The following CCDC33 variants were observed in gnomAD, a reference collection of about 807,000 sequenced individuals.
CCDC33 encodes coiled-coil domain-containing protein 33.
A neutral mutation model predicts 91.9 loss-of-function variants in CCDC33; 94 were observed. The ratio of observed to expected loss-of-function variants is 1.02; its 90% CI spans 0.87 to 1.21. The LOEUF (loss-of-function observed/expected upper bound fraction) is 1.21. Ranked by LOEUF, CCDC33 falls within the 50% of genes most tolerant of loss-of-function variation. CCDC33 has a pLI of 0.00. For missense variants in CCDC33, 940 were observed against 935.5 expected (o/e 1.00, Z -0.06); for synonymous variants, 396 against 374.5 (o/e 1.06, Z -0.66).
Position 74,207,736 on chromosome 15 carries a change from G to A in CCDC33, n.90-1652G>A, listed in dbSNP as rs1342908946. The A allele has an allele frequency of 3.3e-6, 5 of 1,535,636 alleles. No homozygotes were observed. Among genetic ancestry groups the A allele is most frequent in the Non-Finnish European group, 3.5e-6 (4 of 1,146,922 alleles). ...CCCCTTGAGAGTCCATGAATAAGCAGCCGAGAGAGTCAACCTCATGCGGGC... is the reference window on the plus strand; with the variant it reads ...CCCCTTGAGAGTCCATGAATAAGCAACCGAGAGAGTCAACCTCATGCGGGC... On this transcript the variant is annotated intron_variant and non_coding_transcript_variant, in intron 1 of 3. Transcript: ENST00000558645.
Position 74,272,765 on chromosome 15 carries a change from C to T in CCDC33, c.639-6C>T. The T allele has an allele frequency of 6.2e-7, 1 of 1,613,792 alleles. No individual in the cohort carries two copies. The highest frequency in any genetic ancestry group is 2.2e-5 in the East Asian group (1 of 44,872). On this transcript the variant is annotated splice_region_variant and splice_polypyrimidine_tract_variant and intron_variant, in intron 6 of 18. Transcript: ENST00000398814. ...GAGCACTGACCCTGTCTCCCTGCCT[C>T]CCCAGGGTCAGCCAGGCTAACAGGG...
chr15:74,288,818 C>T (rs1389130566), intron 10 of CCDC33, among the ~76,000 whole-genome samples: 1 of 152,212 alleles, frequency 6.6e-6, no homozygotes, highest in African/African-American at 2.4e-5. Context: ...ACCTTGTAAG[C>T]CTGTAGACCT....
intron 2 of CCDC33, among the ~76,000 whole-genome samples, chr15:74,258,991 G>A (rs2075951441): frequency 6.6e-6 from 1 of 152,164 alleles, no homozygotes; most frequent in African/African-American, 2.4e-5. Context: ...CTGGAGGGTA[G>A]GCCAGGTTGA....
intron 5 of CCDC33, among the ~76,000 whole-genome samples, chr15:74,270,859 CG>C (rs1466830431): frequency 1.3e-5 from 2 of 152,226 alleles, no homozygotes; most frequent in African/African-American, 4.8e-5. Context: ...GCTGGGACCC[CG>C]CTCGGCTCTC....
intron 11 of CCDC33, among the ~76,000 whole-genome samples, chr15:74,325,253 TG>T (rs34456529): frequency 0.56 from 83,997 of 151,220 alleles, 24,554 homozygotes; most frequent in Non-Finnish European, 0.66. Flanking sequence ...CTCCTGAGAT[TG>T]GCCACACCCC....
intron 10 of CCDC33, among the ~76,000 whole-genome samples, chr15:74,291,490 G>A (rs1374965711): frequency 6.6e-6 from 1 of 152,256 alleles, no homozygotes; most frequent in Non-Finnish European, 1.5e-5. Context: ...CAAAGCCAGC[G>A]GGGCGAGGGA....
chr15:74,268,495 G>GA (rs763555050), intron 5 of CCDC33, 37 bp downstream of exon 5: 5 of 1,412,826 alleles, frequency 3.5e-6, no homozygotes, highest in Non-Finnish European at 4.0e-6. Context: ...GGTGGTGGGG[G>GA]TGGGAAAGGG....
intron 5 of CCDC33, among the ~76,000 whole-genome samples, chr15:74,269,142 G>A (rs112244685): frequency 6.6e-6 from 1 of 152,192 alleles, no homozygotes; most frequent in African/African-American, 2.4e-5. Context: ...AAGCAGACAT[G>A]ATGCAGGGAC....
At chr15:74,232,488 G>T (rs1027215599), upstream of CCDC33, among the ~76,000 whole-genome samples, 1 of 152,178 alleles carries the variant, frequency 6.6e-6, no homozygotes. Context: ...CAGAGTCCAG[G>T]AAAGTGTGCC....
At chr15:74,255,194 T>C (rs1304085191) in intron 2 of CCDC33, among the ~76,000 whole-genome samples, 1 of 151,934 alleles carries the variant, frequency 6.6e-6, no homozygotes, top group Non-Finnish European at 1.5e-5. Context: ...AGACTCAGCC[T>C]TCCTCATTGA....
Position 74,280,070 on chromosome 15 carries a change from G to A in CCDC33, c.867G>A (p.Leu289=). ...TSFSEDTALV[L]EYYSSTSMKG... ...TCTCAGAAGACACAGCCCTGGTGCT[G>A]GAGTACTACTCCTCAACTTCAAGTA... is the stretch of plus-strand genomic sequence containing the variant. Residue 289 remains leucine (L), a synonymous_variant, in exon 8 of 19, where the codon CTG becomes CTA. Coordinates refer to ENST00000398814, the MANE Select transcript of CCDC33 (RefSeq NM_025055.5). 5 of 1,614,118 alleles carry A rather than the reference G, an allele frequency of 3.1e-6. No homozygotes were observed. The highest frequency in any genetic ancestry group is 1.7e-5 in the Admixed American group (1 of 60,014).
upstream of CCDC33, among the ~76,000 whole-genome samples, chr15:74,232,635 T>C (rs1334384731): frequency 6.6e-6 from 1 of 152,182 alleles, no homozygotes; most frequent in Non-Finnish European, 1.5e-5. Flanking sequence ...AGTGTGATTT[T>C]ATAGCAAATG....
chr15:74,305,122 T>C (rs1037241593), intron 11 of CCDC33, among the ~76,000 whole-genome samples: 3 of 152,118 alleles, frequency 2.0e-5, no homozygotes, highest in Non-Finnish European at 4.4e-5. Context: ...AACTTTTGTA[T>C]TTTTAGTAGA....
intron 10 of CCDC33, among the ~76,000 whole-genome samples, chr15:74,284,863 C>A (rs351207): frequency 0.69 from 105,699 of 152,144 alleles, 38,455 homozygotes; most frequent in Non-Finnish European, 0.83. Context: ...ATGGAAGGTA[C>A]CTGGTATTCA....
intron 12 of CCDC33, 46 bp downstream of exon 12, chr15:74,330,400 C>G (rs761492212): frequency 1.5e-4 from 226 of 1,506,352 alleles, no homozygotes; most frequent in Non-Finnish European, 1.8e-4. Context: ...TCTGCCTGGG[C>G]CCAGGCTCCA....
rs74023478 is a variant in CCDC33 at position 74,334,022 on chromosome 15, A to T, written c.2025+55A>T. ...GGATCAGGCTCACCACACAGCCTAT[A>T]ACCAGGGCTCAGTGTGTGAGCAGAG... On this transcript the variant is annotated intron_variant, in intron 17 of 18. Transcript: ENST00000398814. 3.8e-4 allele frequency: 551 copies of T among 1,454,736 alleles called. 3 individuals are homozygous for T. The African/African-American group carries it at 6.8e-3, about 18-fold the overall frequency. The allele number at this position is 1,454,736 out of a possible 1,614,324, so 90.1% of individuals were successfully genotyped here.
At chr15:74,249,469 C>T (rs975736145) in intron 2 of CCDC33, among the ~76,000 whole-genome samples, 1 of 150,792 alleles carries the variant, frequency 6.6e-6, no homozygotes, top group Admixed American at 6.6e-5. Flanking sequence ...GCCTGGGTGA[C>T]AGAGCGAGGC....
At chr15:74,299,227 A>T (rs2059746391) in intron 11 of CCDC33, among the ~76,000 whole-genome samples, 1 of 152,168 alleles carries the variant, frequency 6.6e-6, no homozygotes, top group Non-Finnish European at 1.5e-5. Context: ...TCAGTGGCTC[A>T]TTCACCCGGA....
upstream of CCDC33, among the ~76,000 whole-genome samples, chr15:74,231,875 G>T (rs1422631247): frequency 2.0e-5 from 3 of 152,146 alleles, no homozygotes; most frequent in Admixed American, 6.5e-5. Context: ...AATTAGCCGG[G>T]CGTGGTGGCA....
Sources: allele counts gnomAD v4.1 joint callset (sites outside exome capture counted in the v4.1 genomes callset), GRCh38; gene constraint gnomAD v4.1.1; transcripts MANE v1.5; gene names NCBI Gene and HGNC (gene_info 2026-07-23, HGNC 2026-07-21).